The following SORCS2 variants were observed in gnomAD, a reference collection of about 807,000 sequenced individuals.
SORCS2 encodes VPS10 domain-containing receptor SorCS2.
SORCS2 carries 100 observed loss-of-function variants against 141.6 expected under a neutral mutation model. That is an observed-to-expected ratio of 0.71 (90% confidence interval 0.60 to 0.83). The LOEUF (loss-of-function observed/expected upper bound fraction) is 0.83, where lower values mean the gene tolerates loss of function less well. Among genes scored for constraint, SORCS2 ranks in the 40% least tolerant of loss-of-function variants. The pLI, the probability that SORCS2 is intolerant of heterozygous loss-of-function variation, is 0.00. For missense variants in SORCS2, 1,646 were observed against 1,560.2 expected, an observed-to-expected ratio of 1.05 and a Z score of -0.93; for synonymous variants, 789 against 676.9, an observed-to-expected ratio of 1.17 and a Z score of -2.57.
chr4:7,602,276 A>T lies in SORCS2; in HGVS notation c.649-36052A>T, dbSNP rs537621344. Reference sequence around the variant, plus strand: ...GAGGCGCCCCCCACCTCCCTCCCGGACGGGGTGGCTGGCCGGGCGGGGGCT... The same window carrying T: ...GAGGCGCCCCCCACCTCCCTCCCGGTCGGGGTGGCTGGCCGGGCGGGGGCT... On this transcript the variant is annotated intron_variant, in intron 3 of 26. Coordinates refer to ENST00000507866, the MANE Select transcript of SORCS2 (RefSeq NM_020777.3). 1.2e-4 allele frequency among the ~76,000 whole-genome samples: 18 copies of T among 149,108 alleles called. No homozygotes were observed. In the South Asian group the frequency reaches 3.9e-3, roughly 32 times the overall value.
At chr4:7,234,486 C>G (rs1027097584) in intron 1 of SORCS2, among the ~76,000 whole-genome samples, 15 of 152,236 alleles carry the variant, frequency 9.9e-5, no homozygotes, top group Admixed American at 3.9e-4. Flanking sequence ...CCCAGTGACC[C>G]AGCATGGTGG....
At chr4:7,362,666 C>A (rs1300206689) in intron 1 of SORCS2, among the ~76,000 whole-genome samples, 1 of 151,972 alleles carries the variant, frequency 6.6e-6, no homozygotes, top group South Asian at 2.1e-4. Flanking sequence ...AGGGTGAGGG[C>A]AGTGCTACCA....
intron 3 of SORCS2, among the ~76,000 whole-genome samples, chr4:7,637,559 C>T (rs1160724897): frequency 6.6e-6 from 1 of 152,230 alleles, no homozygotes; most frequent in African/African-American, 2.4e-5. Context: ...CAGAACAGTG[C>T]CCAGAACAGT....
intron 1 of SORCS2, among the ~76,000 whole-genome samples, chr4:7,282,676 C>A (rs1715957435): frequency 6.6e-6 from 1 of 152,126 alleles, no homozygotes. Context: ...GGCTGTAGGA[C>A]CCTAGGTTGG....
At chr4:7,237,040 C>G (rs544438530) in intron 1 of SORCS2, among the ~76,000 whole-genome samples, 1 of 152,344 alleles carries the variant, frequency 6.6e-6, no homozygotes, top group East Asian at 1.9e-4. Flanking sequence ...TGCTGGGCCT[C>G]TGTGCCAGCG....
At chr4:7,323,857 C>T (rs983725884) in intron 1 of SORCS2, among the ~76,000 whole-genome samples, 13 of 152,130 alleles carry the variant, frequency 8.5e-5, no homozygotes, top group Admixed American at 1.3e-4. Context: ...CCCTGGAGAG[C>T]TGGGCACGTC....
At chr4:7,600,656 T>TACACACACAC (rs57789330) in intron 3 of SORCS2, among the ~76,000 whole-genome samples, 5 of 140,902 alleles carry the variant, frequency 3.5e-5, no homozygotes, top group African/African-American at 1.4e-4. Flanking sequence ...CATATATATA[T>TACACACACAC]ACACACACAC....
intron 4 of SORCS2, among the ~76,000 whole-genome samples, chr4:7,651,959 G>A (rs1281766611): frequency 2.0e-5 from 3 of 152,228 alleles, no homozygotes; most frequent in Non-Finnish European, 2.9e-5. Flanking sequence ...AGGGAAGAAA[G>A]GGAAGGGAGC....
rs112165649 is a variant in SORCS2 at position 7,214,795 on chromosome 4, C to T, written c.480+21669C>T. 6.6e-4 allele frequency among the ~76,000 whole-genome samples: 100 copies of T among 152,312 alleles called. 2 individuals are homozygous for T. The highest frequency in any genetic ancestry group is 2.1e-3 in the African/African-American group (86 of 41,576). On this transcript the variant is annotated intron_variant, in intron 1 of 26. Coordinates refer to ENST00000507866, the MANE Select transcript of SORCS2 (RefSeq NM_020777.3). ...TGTGGAAAGAAGGTGATGAAGCTGCCAGTGGGGCTGCTTTTCTGGTGGACA... is the reference window on the plus strand; with the variant it reads ...TGTGGAAAGAAGGTGATGAAGCTGCTAGTGGGGCTGCTTTTCTGGTGGACA...
intron 2 of SORCS2, among the ~76,000 whole-genome samples, chr4:7,464,771 C>T (rs1399684685): frequency 6.6e-6 from 1 of 152,218 alleles, no homozygotes; most frequent in African/African-American, 2.4e-5. Context: ...ACTTTCTGAA[C>T]TTCCGGCACT....
intron 19 of SORCS2, among the ~76,000 whole-genome samples, chr4:7,724,570 G>A (rs1337317484): frequency 1.3e-5 from 1 of 76,732 alleles, no homozygotes; most frequent in Non-Finnish European, 2.7e-5. Flanking sequence ...GATGGTGGTG[G>A]TGATGGTGAT....
At chr4:7,501,965 G>A (rs1732001374) in intron 2 of SORCS2, among the ~76,000 whole-genome samples, 1 of 152,212 alleles carries the variant, frequency 6.6e-6, no homozygotes, top group African/African-American at 2.4e-5. Flanking sequence ...CAGACTTGTG[G>A]GCGCACTCCC....
chr4:7,667,336 T>C, intron 8 of SORCS2, 123 bp downstream of exon 8: 1 of 848,184 alleles, frequency 1.2e-6, no homozygotes, highest in Admixed American at 2.1e-5. Context: ...AAGAACAGTG[T>C]GGCCACGCTT....
chr4:7,676,240 G>A lies in SORCS2; in HGVS notation c.1341+11G>A, dbSNP rs1577063167. ...ATCGACATCCTGGAGGTGGGTCCAGGGTGGATGTGGGCCAGGTCTGCCGCC... is the reference window on the plus strand; with the variant it reads ...ATCGACATCCTGGAGGTGGGTCCAGAGTGGATGTGGGCCAGGTCTGCCGCC... On this transcript the variant is annotated intron_variant, in intron 9 of 26. Coordinates refer to ENST00000507866, the MANE Select transcript of SORCS2 (RefSeq NM_020777.3). 6.5e-7 allele frequency: 1 copy of A among 1,548,564 alleles called. No homozygotes were observed. Among genetic ancestry groups the A allele is most frequent in the Middle Eastern group, 2.0e-4 (1 of 4,918 alleles).
intron 3 of SORCS2, among the ~76,000 whole-genome samples, chr4:7,605,981 C>T (rs1718035583): frequency 6.6e-6 from 1 of 152,212 alleles, no homozygotes; most frequent in South Asian, 2.1e-4. Context: ...AAAGGATGCA[C>T]ATGCAGCCAC....
chr4:7,725,383 G>T, intron 20 of SORCS2, 96 bp downstream of exon 20: 1 of 1,482,706 alleles, frequency 6.7e-7, no homozygotes, highest in African/African-American at 1.4e-5. Flanking sequence ...TCAGCAGAAG[G>T]AACCAGTGTA....
At chr4:7,718,228 G>A (rs755377413) in intron 18 of SORCS2, 45 bp downstream of exon 18, 2 of 1,583,370 alleles carry the variant, frequency 1.3e-6, no homozygotes, top group South Asian at 2.3e-5. Context: ...GTCGGGCAGG[G>A]GCGGCTCCAA....
At chr4:7,721,784 T>G (rs1726604299) in intron 18 of SORCS2, among the ~76,000 whole-genome samples, 1 of 152,166 alleles carries the variant, frequency 6.6e-6, no homozygotes. Flanking sequence ...ATACTATCAT[T>G]TGGCAAGATG....
At chr4:7,549,057 G>A (rs1470388983) in intron 3 of SORCS2, among the ~76,000 whole-genome samples, 1 of 152,042 alleles carries the variant, frequency 6.6e-6, no homozygotes, top group Non-Finnish European at 1.5e-5. Context: ...GCAGGAGTCA[G>A]GGAAGGAGGG....
Sources: allele counts gnomAD v4.1 joint callset (sites outside exome capture counted in the v4.1 genomes callset), GRCh38; gene constraint gnomAD v4.1.1; transcripts MANE v1.5; gene names NCBI Gene and HGNC (gene_info 2026-07-23, HGNC 2026-07-21).